GMPR: variants seen among roughly 807,000 people sequenced by gnomAD.
GMPR encodes the protein GMP reductase 1.
In GMPR, 31 loss-of-function variants were observed where a neutral mutation model predicts 38.4. The ratio of observed to expected loss-of-function variants is 0.81; its 90% CI spans 0.61 to 1.09. The LOEUF is 1.09. GMPR is among the 50% of genes least tolerant of loss of function. The pLI is 0.00. For missense variants in GMPR, 468 were observed against 453.7 expected (o/e 1.03, Z -0.29); for synonymous variants, 162 against 173.3 (o/e 0.93, Z 0.51).
chr6:16,285,269 T>C (rs919229391), intron 6 of GMPR, among the ~76,000 whole-genome samples: 3 of 152,196 alleles, frequency 2.0e-5, no homozygotes, highest in Admixed American at 2.0e-4. Flanking sequence ...ACATGAGGAA[T>C]AGGAAACATG....
chr6:16,291,903 C>T (rs1032584113), intron 8 of GMPR, among the ~76,000 whole-genome samples: 2 of 150,166 alleles, frequency 1.3e-5, no homozygotes, highest in Non-Finnish European at 3.0e-5. Flanking sequence ...AGAGTGATAC[C>T]CTGCCAAAAA....
At chr6:16,267,611 CTT>C (rs201086317) in intron 4 of GMPR, among the ~76,000 whole-genome samples, 2,630 of 152,272 alleles carry the variant, frequency 0.017, 46 homozygotes, top group Non-Finnish European at 0.024. Flanking sequence ...GACACGCCAT[CTT>C]TTAAGAATTG....
At chr6:16,254,426 A>AT in intron 3 of GMPR, 136 bp from the exon 4 acceptor site, 1 of 684,706 alleles carries the variant, frequency 1.5e-6, no homozygotes, top group South Asian at 1.8e-5. Context: ...TGTCTTGAGC[A>AT]GGTGCACTGT....
intron 4 of GMPR, among the ~76,000 whole-genome samples, chr6:16,267,625 AAC>A (rs1263630226): frequency 6.6e-6 from 1 of 152,090 alleles, no homozygotes; most frequent in African/African-American, 2.4e-5. Context: ...TAAGAATTGT[AAC>A]ACTCACCGCA....
At chr6:16,265,929 CAGTG>C (rs1341009675) in intron 4 of GMPR, among the ~76,000 whole-genome samples, 7 of 152,178 alleles carry the variant, frequency 4.6e-5, no homozygotes, top group Admixed American at 2.6e-4. Context: ...CTCCTGAAGT[CAGTG>C]AGACCACGAA....
chr6:16,244,237 G>C (rs1054598247), intron 1 of GMPR, among the ~76,000 whole-genome samples: 1 of 144,672 alleles, frequency 6.9e-6, no homozygotes, highest in Non-Finnish European at 1.5e-5. Flanking sequence ...TTTGAGACAA[G>C]GTCTCACTCT....
intron 1 of GMPR, 55 bp downstream of exon 1, chr6:16,238,835 G>T: frequency 3.1e-6 from 3 of 961,606 alleles, no homozygotes; most frequent in Non-Finnish European, 4.5e-6. Context: ...CGGGTGGCGC[G>T]GGGCAAGTGG....
chr6:16,289,123 C>G (rs886747606), intron 7 of GMPR, among the ~76,000 whole-genome samples: 1 of 152,190 alleles, frequency 6.6e-6, no homozygotes, highest in Non-Finnish European at 1.5e-5. Flanking sequence ...GGTCTTTAGG[C>G]CCACACTGCT....
chr6:16,281,983 T>C (rs1178707203), intron 6 of GMPR, among the ~76,000 whole-genome samples: 1 of 152,192 alleles, frequency 6.6e-6, no homozygotes, highest in Non-Finnish European at 1.5e-5. Context: ...CCACACTCCC[T>C]TTGTCTAACA....
chr6:16,267,045 G>A (rs1759261901), intron 4 of GMPR, among the ~76,000 whole-genome samples: 1 of 150,844 alleles, frequency 6.6e-6, no homozygotes, highest in South Asian at 2.1e-4. Context: ...CGAAAAAGGT[G>A]GCACGTCGGA....
chr6:16,283,618 G>A (rs1759616883), intron 6 of GMPR, among the ~76,000 whole-genome samples: 5 of 152,178 alleles, frequency 3.3e-5, no homozygotes, highest in Non-Finnish European at 5.9e-5. Flanking sequence ...CCATACAGTT[G>A]TATTAACTGT....
chr6:16,242,041 TA>T (rs1758658808), intron 1 of GMPR, among the ~76,000 whole-genome samples: 1 of 152,146 alleles, frequency 6.6e-6, no homozygotes, highest in African/African-American at 2.4e-5. Context: ...ACCCAGCTGA[TA>T]AGAATTAAAA....
intron 4 of GMPR, 39 bp from the exon 5 acceptor site, chr6:16,274,376 A>G: frequency 4.1e-6 from 5 of 1,233,394 alleles, no homozygotes; most frequent in Non-Finnish European, 6.0e-6. Flanking sequence ...TACCAGCAAT[A>G]GTAGTTCATG....
rs915680128 is a variant in GMPR, at chr6:16,278,947, C to T, written c.654+57C>T. The stretch of plus-strand genomic sequence containing the variant: ...GTCTTGGGAGGCCCCTGCTCCCTCG[C>T]TGCTCTTCTTTCACTGGCTGGGCAT... On this transcript the variant is annotated intron_variant, in intron 6 of 8. Transcript: ENST00000259727. The T allele has an allele frequency of 1.4e-5, 15 of 1,040,142 alleles. No individual in the cohort carries two copies. In the East Asian group the frequency reaches 3.1e-4, roughly 21 times the overall value. The allele number at this position is 1,040,142 out of a possible 1,614,324, so 64.4% of individuals were successfully genotyped here.
chr6:16,250,259 C>T (rs181397205), intron 2 of GMPR, 25 bp from the exon 3 acceptor site: 13 of 1,378,412 alleles, frequency 9.4e-6, no homozygotes, highest in Non-Finnish European at 1.2e-5. Flanking sequence ...GCTTCCCATC[C>T]TAATGGTGCT....
At chr6:16,290,429 C>CT (rs758657554) in intron 7 of GMPR, 33 bp from the exon 8 acceptor site, 7 of 1,605,674 alleles carry the variant, frequency 4.4e-6, no homozygotes, top group Non-Finnish European at 6.0e-6. Flanking sequence ...GTTTTCTCTG[C>CT]TACTCGCTTT....
At chr6:16,244,676 G>A (rs1269749182) in intron 1 of GMPR, among the ~76,000 whole-genome samples, 2 of 152,120 alleles carry the variant, frequency 1.3e-5, no homozygotes, top group African/African-American at 2.4e-5. Flanking sequence ...TATATTTGGC[G>A]TATTGGCCGG....
At chr6:16,251,776 T>C (rs1052912005) in intron 3 of GMPR, among the ~76,000 whole-genome samples, 1 of 152,134 alleles carries the variant, frequency 6.6e-6, no homozygotes, top group Non-Finnish European at 1.5e-5. Context: ...GTTACAGAAC[T>C]CTAAATATAC....
At chr6:16,281,500 A>G (rs1759573276) in intron 6 of GMPR, among the ~76,000 whole-genome samples, 1 of 151,356 alleles carries the variant, frequency 6.6e-6, no homozygotes, top group South Asian at 2.1e-4. Flanking sequence ...TTACTTTTTT[A>G]TTTTATTTAT....
Sources: allele counts gnomAD v4.1 joint callset (sites outside exome capture counted in the v4.1 genomes callset), GRCh38; gene constraint gnomAD v4.1.1; transcripts MANE v1.5; gene names NCBI Gene and HGNC (gene_info 2026-07-23, HGNC 2026-07-21).